The following COX10 variants were observed in gnomAD, a reference collection of about 807,000 sequenced individuals.
The protein encoded by COX10 is cytochrome c oxidase assembly factor heme A:farnesyltransferase COX10, also known as protoheme IX farnesyltransferase, mitochondrial.
Under a neutral mutation model 37.3 loss-of-function variants are expected in COX10, and 27 were observed. The ratio of observed to expected loss-of-function variants is 0.72; its 90% confidence interval spans 0.53 to 1.00. The LOEUF (loss-of-function observed/expected upper bound fraction) is 1.00. Among genes scored for constraint, COX10 ranks in the 50% least tolerant of loss-of-function variants. COX10 has a pLI of 0.00. For missense variants in COX10, 475 were observed against 563.2 expected (o/e 0.84, Z 1.59); for synonymous variants, 222 against 229.1 (o/e 0.97, Z 0.28).
At chr17:14,190,616 G>C (rs1906171901) in intron 5 of COX10, among the ~76,000 whole-genome samples, 1 of 152,068 alleles carries the variant, frequency 6.6e-6, no homozygotes, top group Admixed American at 6.5e-5. Flanking sequence ...AGTCAGTGCT[G>C]GCCCCTATAG....
chr17:14,191,976 G>A lies in COX10; in HGVS notation c.696-13G>A. 6.2e-7 allele frequency: 1 copy of A among 1,613,626 alleles called. No individual in the cohort carries two copies. Among genetic ancestry groups the A allele is most frequent in the East Asian group, 2.2e-5 (1 of 44,878 alleles). Reference sequence around the variant, plus strand: ...TGGAGATGATCACTCCAGGTTCTCTGCTCTTTTTCCAGCCCATTGCTAGCT... The same window carrying A: ...TGGAGATGATCACTCCAGGTTCTCTACTCTTTTTCCAGCCCATTGCTAGCT... On this transcript the variant is annotated splice_polypyrimidine_tract_variant and intron_variant, in intron 5 of 6. Coordinates refer to ENST00000261643, the MANE Select transcript of COX10 (RefSeq NM_001303.4).
At chr17:14,130,968 CT>C (rs1290217255) in intron 4 of COX10, among the ~76,000 whole-genome samples, 2 of 152,094 alleles carry the variant, frequency 1.3e-5, no homozygotes, top group Admixed American at 6.6e-5. Context: ...TTGGTTGTGC[CT>C]TCACTAAGTA....
At position 14,102,836 on chromosome 17, in the gene COX10, T is replaced by C. The variant is rs192511876; in HGVS notation, c.624+594T>C. 1.9e-3 allele frequency among the ~76,000 whole-genome samples: 294 copies of C among 152,214 alleles called. 2 individuals carry two copies. The highest frequency in any genetic ancestry group is 6.8e-3 in the African/African-American group (281 of 41,544). ...CTAGTCACTGTGGTCTGCCTTAACG[T>C]TGTGGCTTTTTCATAAGATATTATA... On this transcript the variant is annotated intron_variant, in intron 4 of 6. Coordinates refer to ENST00000261643, the MANE Select transcript of COX10 (RefSeq NM_001303.4).
intron 4 of COX10, among the ~76,000 whole-genome samples, chr17:14,150,389 G>C (rs1262858625): frequency 6.6e-6 from 1 of 152,194 alleles, no homozygotes; most frequent in Admixed American, 6.5e-5. Context: ...CAGAAAATAA[G>C]TTGTTTTCTG....
rs201271363 is a variant in COX10, at chr17:14,137,347, TATC to T, written c.625-22527_625-22525del. 5.8e-3 allele frequency among the ~76,000 whole-genome samples: 873 copies of T among 151,738 alleles called. 4 individuals carry two copies. The highest frequency in any genetic ancestry group is 0.02 in the African/African-American group (819 of 41,486). ...ATTCATATAATGTAACACTATATAA[TATC>T]ATAGAAATTGCATTTCCAGATGATA... On this transcript the variant is annotated intron_variant, in intron 4 of 6. Transcript: ENST00000261643.
chr17:14,089,453 A>C (rs531126757), intron 3 of COX10, among the ~76,000 whole-genome samples: 5 of 152,342 alleles, frequency 3.3e-5, no homozygotes, highest in Non-Finnish European at 7.3e-5. Context: ...ATATGTAGTC[A>C]GTACTGGACT....
chr17:14,085,047 G>C (rs1211424253), intron 3 of COX10, among the ~76,000 whole-genome samples: 2 of 152,116 alleles, frequency 1.3e-5, no homozygotes, highest in Admixed American at 1.3e-4. Context: ...TCTGGAGTCA[G>C]ACTGGCTGGG....
At chr17:14,141,791 A>C (rs1904552410) in intron 4 of COX10, among the ~76,000 whole-genome samples, 1 of 152,104 alleles carries the variant, frequency 6.6e-6, no homozygotes, top group Admixed American at 6.6e-5. Context: ...TGTTGTGGTA[A>C]TGATTGTTGT....
At chr17:14,074,239 G>A in intron 1 of COX10, 84 bp from the exon 2 acceptor site, 2 of 1,494,982 alleles carry the variant, frequency 1.3e-6, no homozygotes, top group South Asian at 1.1e-5. Context: ...TTAGTGGCTG[G>A]CTTTGCTTCT....
intron 4 of COX10, among the ~76,000 whole-genome samples, chr17:14,106,166 G>A (rs1013555868): frequency 4.0e-5 from 6 of 151,810 alleles, no homozygotes; most frequent in Non-Finnish European, 7.4e-5. Context: ...ATAGGCGCCC[G>A]CCACCGTGCC....
intron 3 of COX10, among the ~76,000 whole-genome samples, chr17:14,077,712 G>C (rs988762079): frequency 6.6e-6 from 1 of 152,156 alleles, no homozygotes; most frequent in Admixed American, 6.5e-5. Context: ...GGCTAACCCT[G>C]TTTAGAAGGT....
At chr17:14,130,846 C>T (rs77307314) in intron 4 of COX10, among the ~76,000 whole-genome samples, 3,879 of 152,108 alleles carry the variant, frequency 0.026, 94 homozygotes, top group East Asian at 0.11. Context: ...TAAATAGTCT[C>T]GTCATCTCCT....
At chr17:14,126,729 A>G (rs1014503007) in intron 4 of COX10, among the ~76,000 whole-genome samples, 2 of 152,108 alleles carry the variant, frequency 1.3e-5, no homozygotes, top group Admixed American at 6.6e-5. Context: ...AATGGAGTAT[A>G]GCATGAGGGG....
chr17:14,155,908 A>G (rs1370684984), intron 4 of COX10, among the ~76,000 whole-genome samples: 1 of 151,734 alleles, frequency 6.6e-6, no homozygotes, highest in Non-Finnish European at 1.5e-5. Context: ...TTTCTGTCAA[A>G]ATCATCCTCC....
intron 4 of COX10, among the ~76,000 whole-genome samples, chr17:14,135,052 T>G (rs1344381729): frequency 1.3e-5 from 2 of 151,774 alleles, no homozygotes; most frequent in Admixed American, 1.3e-4. Flanking sequence ...AAAAATTATC[T>G]TAAAAATTAG....
At chr17:14,162,874 C>T (rs550675913) in intron 5 of COX10, among the ~76,000 whole-genome samples, 28 of 152,246 alleles carry the variant, frequency 1.8e-4, no homozygotes, top group African/African-American at 6.3e-4. Flanking sequence ...TTTATTTTTT[C>T]CATTCAGCCC....
At chr17:14,077,985 T>C (rs1915194610) in intron 3 of COX10, among the ~76,000 whole-genome samples, 1 of 149,938 alleles carries the variant, frequency 6.7e-6, no homozygotes, top group Non-Finnish European at 1.5e-5. Context: ...AGGAGGTAAC[T>C]AGACAACTTC....
At chr17:14,156,704 A>G (rs1381163539) in intron 4 of COX10, among the ~76,000 whole-genome samples, 2 of 152,194 alleles carry the variant, frequency 1.3e-5, no homozygotes, top group Admixed American at 6.5e-5. Context: ...GCCCTTAACC[A>G]TCTAGCCCTG....
chr17:14,201,369 C>T (rs1027183678), intron 6 of COX10, among the ~76,000 whole-genome samples: 1 of 152,150 alleles, frequency 6.6e-6, no homozygotes, highest in African/African-American at 2.4e-5. Context: ...TTTCTGATTA[C>T]AATCCATTAA....
Sources: allele counts gnomAD v4.1 joint callset (sites outside exome capture counted in the v4.1 genomes callset), GRCh38; gene constraint gnomAD v4.1.1; transcripts MANE v1.5; gene names NCBI Gene and HGNC (gene_info 2026-07-23, HGNC 2026-07-21).